The following CMIP variants were observed in gnomAD, a reference collection of about 807,000 sequenced individuals.
CMIP encodes c-Maf inducing protein, also known as C-Maf-inducing protein.
CMIP carries 13 observed loss-of-function variants against 97.3 expected under a neutral mutation model. The ratio of observed to expected loss-of-function variants is 0.13; its 90% confidence interval spans 0.09 to 0.21. CMIP has a LOEUF of 0.21. CMIP is among the 10% of genes least tolerant of loss of function. The probability of loss-of-function intolerance (pLI) is 1.00; values close to 1 mark genes in which losing one functional copy is unlikely to be tolerated. For missense variants in CMIP, 847 were observed against 1,024.9 expected (o/e 0.83, Z 2.37); for synonymous variants, 538 against 436.3 (o/e 1.23, Z -2.91).
intron 1 of CMIP, among the ~76,000 whole-genome samples, chr16:81,577,714 A>C (rs1342639763): frequency 6.6e-6 from 1 of 150,936 alleles, no homozygotes; most frequent in Non-Finnish European, 1.5e-5. Context: ...CACCATCATC[A>C]CCATCACCTT....
At chr16:81,468,064 T>G (rs1431469604) in intron 1 of CMIP, among the ~76,000 whole-genome samples, 1 of 152,028 alleles carries the variant, frequency 6.6e-6, no homozygotes, top group Non-Finnish European at 1.5e-5. Flanking sequence ...TGCTCCTTTG[T>G]TTCTAATGTG....
At chr16:81,569,896 C>T (rs1407887395) in intron 1 of CMIP, among the ~76,000 whole-genome samples, 5 of 152,348 alleles carry the variant, frequency 3.3e-5, no homozygotes, top group South Asian at 2.1e-4. Flanking sequence ...TGTCTAGCGC[C>T]TGTACTGTGG....
intron 1 of CMIP, among the ~76,000 whole-genome samples, chr16:81,522,317 A>C (rs4889329): frequency 0.14 from 20,671 of 152,138 alleles, 1,561 homozygotes; most frequent in African/African-American, 0.21. Flanking sequence ...GGAGGGACAC[A>C]GCTTCAGTGC....
intron 20 of CMIP, 120 bp from the exon 21 acceptor site, chr16:81,709,626 C>G: frequency 9.0e-7 from 1 of 1,112,584 alleles, no homozygotes; most frequent in Admixed American, 2.0e-5. Flanking sequence ...TAGCCCACAG[C>G]ACCAAGGTGG....
At chr16:81,523,405 A>G (rs2090067170) in intron 1 of CMIP, among the ~76,000 whole-genome samples, 1 of 151,852 alleles carries the variant, frequency 6.6e-6, no homozygotes, top group Non-Finnish European at 1.5e-5. Context: ...GGACAGACTC[A>G]CCCCCTGTCA....
rs4587965 is a variant in CMIP at position 81,627,856 on chromosome 16, G to C, written c.477+6930G>C. ...TCCATGTTCTGTGTTGGGAGCTGGC[G>C]CTGGGGGACCACAACCCTCAAAGTC... On this transcript the variant is annotated intron_variant, in intron 3 of 20. Coordinates refer to ENST00000537098, the MANE Select transcript of CMIP (RefSeq NM_198390.3). The surrounding 1 kb of genome is among the most constrained non-coding windows in gnomAD (Gnocchi z 4.6). 6.6e-6 allele frequency among the ~76,000 whole-genome samples: 1 copy of C among 152,134 alleles called. No individual in the cohort carries two copies. The highest frequency in any genetic ancestry group is 1.5e-5 in the Non-Finnish European group (1 of 68,006).
chr16:81,563,662 C>T (rs373865093), intron 1 of CMIP, among the ~76,000 whole-genome samples: 42 of 152,308 alleles, frequency 2.8e-4, no homozygotes, highest in Admixed American at 1.8e-3. Flanking sequence ...GCAATCGGTA[C>T]GCTTCTTGCT....
At chr16:81,468,601 G>A (rs1597454659) in intron 1 of CMIP, among the ~76,000 whole-genome samples, 1 of 152,378 alleles carries the variant, frequency 6.6e-6, no homozygotes, top group South Asian at 2.1e-4. Flanking sequence ...CACCTCCTGG[G>A]TACCAGGCAT....
At chr16:81,569,039 A>G (rs190293271) in intron 1 of CMIP, among the ~76,000 whole-genome samples, 2 of 152,350 alleles carry the variant, frequency 1.3e-5, no homozygotes, top group Non-Finnish European at 2.9e-5. Flanking sequence ...CACCTGGAGA[A>G]CTCGCAGAGG....
At chr16:81,618,959 T>C (rs1313585324) in intron 2 of CMIP, 1 of 152,206 alleles carries the variant, frequency 6.6e-6, no homozygotes, top group Non-Finnish European at 1.5e-5. Context: ...CAGTAGAGCT[T>C]GGGCAGTGCT....
At chr16:81,533,745 C>G (rs2150826996) in intron 1 of CMIP, among the ~76,000 whole-genome samples, 1 of 152,282 alleles carries the variant, frequency 6.6e-6, no homozygotes. Flanking sequence ...TCCCTAAGTG[C>G]TGGGATTACA....
chr16:81,599,838 G>A, intron 1 of CMIP, among the ~76,000 whole-genome samples: 1 of 152,168 alleles, frequency 6.6e-6, no homozygotes, highest in East Asian at 1.9e-4. Context: ...AGTTAAATGA[G>A]GGATTATATA....
intron 1 of CMIP, among the ~76,000 whole-genome samples, chr16:81,534,516 A>C (rs2090303567): frequency 6.6e-6 from 1 of 151,986 alleles, no homozygotes. Context: ...TGAGGTATTT[A>C]TTGATATATA....
chr16:81,501,604 G>A (rs62046578), intron 1 of CMIP, among the ~76,000 whole-genome samples: 1 of 150,918 alleles, frequency 6.6e-6, no homozygotes, highest in Non-Finnish European at 1.5e-5. Context: ...GTTTGACTCT[G>A]GTTCTTTTTT....
At chr16:81,495,399 A>T (rs2089470591) in intron 1 of CMIP, 1 of 1,560,542 alleles carries the variant, frequency 6.4e-7, no homozygotes, top group Admixed American at 1.9e-5. Flanking sequence ...GAGAACAACA[A>T]ACCAAGCCGG....
Position 81,487,731 on chromosome 16 carries a change from G to GTGA in CMIP, c.300+42191_300+42193dup, listed in dbSNP as rs149703319. Among the ~76,000 whole-genome samples the GTGA allele has an allele frequency of 1.4e-3, 215 of 152,350 alleles. 4 individuals are homozygous for GTGA. In the East Asian group the frequency reaches 0.035, roughly 25 times the overall value. On this transcript the variant is annotated intron_variant, in intron 1 of 20. Transcript: ENST00000537098. ...CTTGCACCACTCTCACAGGGTCTGT[G>GTGA]TGAGGATTAAAGGAAAAAACCCATG...
At chr16:81,515,278 C>G (rs1269535003) in intron 1 of CMIP, among the ~76,000 whole-genome samples, 1 of 152,204 alleles carries the variant, frequency 6.6e-6, no homozygotes, top group Non-Finnish European at 1.5e-5. Context: ...AGCGAGGCCT[C>G]AAAATGACTC....
rs914040085 is a variant in CMIP, at chr16:81,652,316, C to T, written c.591C>T (p.Asp197=). The T allele has an allele frequency of 6.2e-6, 10 of 1,613,956 alleles. No individual in the cohort carries two copies. The African/African-American group carries it at 8.0e-5, about 13-fold the overall frequency. The change falls in exon 4 of 21, where the codon GAC becomes GAT. Residue 197 remains aspartate (D), a synonymous_variant. Coordinates refer to ENST00000537098, the MANE Select transcript of CMIP (RefSeq NM_198390.3). The surrounding 1 kb of genome is among the most constrained non-coding windows in gnomAD (Gnocchi z 5.2). ...DMALTSPLQD[D]SINQAPLEIV... ...CCCTGACATCCCCCCTGCAGGATGA[C>T]TCCATCAACCAGGCCCCACTGGAAA...
In CMIP at chr16:81,616,107, G is replaced by T. The variant is rs944245266; in HGVS notation, c.427-4769G>T. On this transcript the variant is annotated intron_variant, in intron 2 of 20. Coordinates refer to ENST00000537098, the MANE Select transcript of CMIP (RefSeq NM_198390.3). This position sits in a 1 kb window ranked among gnomAD's most constrained non-coding sequence, Gnocchi z 4.7. The stretch of plus-strand genomic sequence containing the variant: ...TCCGCATCGAGACTGTCCTCAGCCC[G>T]GCATCTCTGTGCCTTGCCTTACATG... Among the ~76,000 whole-genome samples the T allele has an allele frequency of 6.6e-6, 1 of 151,996 alleles. No individual in the cohort carries two copies. Among genetic ancestry groups the T allele is most frequent in the African/African-American group, 2.4e-5 (1 of 41,332 alleles).
Sources: allele counts gnomAD v4.1 joint callset (sites outside exome capture counted in the v4.1 genomes callset), GRCh38; gene constraint gnomAD v4.1.1; non-coding constraint Gnocchi (gnomAD v3.1); transcripts MANE v1.5; gene names NCBI Gene and HGNC (gene_info 2026-07-23, HGNC 2026-07-21).